Variants in ADAMTSL1 observed in about 807,000 individuals in gnomAD.
ADAMTSL1 encodes the protein ADAMTS like 1.
A neutral mutation model predicts 201.8 loss-of-function variants in ADAMTSL1; 126 were observed. That is an observed-to-expected ratio of 0.62 (90% CI 0.54 to 0.72). The LOEUF (loss-of-function observed/expected upper bound fraction) is 0.72. ADAMTSL1 is among the 30% of genes least tolerant of loss of function. ADAMTSL1 has a pLI of 0.00. For synonymous variants in ADAMTSL1, 1,121 were observed against 903.4 expected, an observed-to-expected ratio of 1.24 and a Z score of -4.32; for missense variants, 2,679 against 2,277.8, an observed-to-expected ratio of 1.18 and a Z score of -3.59.
At chr9:18,236,974 G>T (rs1830873374) in intron 2 of ADAMTSL1, among the ~76,000 whole-genome samples, 1 of 152,256 alleles carries the variant, frequency 6.6e-6, no homozygotes, top group East Asian at 1.9e-4. Flanking sequence ...AATGTAAGGG[G>T]CAGAATCTTT....
chr9:18,584,799 G>A (rs957291582), intron 4 of ADAMTSL1, among the ~76,000 whole-genome samples: 3 of 152,034 alleles, frequency 2.0e-5, no homozygotes, highest in African/African-American at 7.3e-5. Context: ...TTGACTAGGG[G>A]CCTGAAAGAA....
intron 1 of ADAMTSL1, among the ~76,000 whole-genome samples, chr9:18,032,942 C>G (rs112523054): frequency 0.023 from 3,461 of 152,256 alleles, 48 homozygotes; most frequent in Middle Eastern, 0.041. Flanking sequence ...CATCACCTCT[C>G]TATTGACTTT....
At chr9:18,794,435 AAAAC>A (rs1050814189) in intron 19 of ADAMTSL1, among the ~76,000 whole-genome samples, 2 of 151,910 alleles carry the variant, frequency 1.3e-5, no homozygotes, top group African/African-American at 4.8e-5. Flanking sequence ...AAAACAAAAA[AAAAC>A]AAACCTGAGT....
chr9:18,741,678 A>G (rs1818836150), intron 15 of ADAMTSL1, among the ~76,000 whole-genome samples: 1 of 152,222 alleles, frequency 6.6e-6, no homozygotes, highest in Admixed American at 6.5e-5. Context: ...TGCTCCTTCT[A>G]AAACTTGTAG....
At chr9:18,351,053 G>A (rs191764090) in intron 2 of ADAMTSL1, among the ~76,000 whole-genome samples, 17 of 152,116 alleles carry the variant, frequency 1.1e-4, no homozygotes, top group Admixed American at 3.9e-4. Context: ...TTGTAACCTC[G>A]TTACAATGAA....
chr9:17,940,811 C>CA lies in ADAMTSL1; in HGVS notation c.87+33889_87+33890insA, dbSNP rs1554667550. 2.6e-3 allele frequency among the ~76,000 whole-genome samples: 159 copies of CA among 60,256 alleles called. 10 individuals are homozygous for CA. Among genetic ancestry groups the CA allele is most frequent in the African/African-American group, 9.2e-3 (152 of 16,596 alleles). 39.5% of individuals were successfully genotyped at this position (60,256 alleles called of 152,430 possible). On this transcript the variant is annotated intron_variant, in intron 1 of 29. Transcript: ENST00000680146. ...AATAAAAGTAAATAACACCCCCCCCCCAAAAAAAAGAAAGAAATAACGACT... is the reference window on the plus strand; with the variant it reads ...AATAAAAGTAAATAACACCCCCCCCCACAAAAAAAAGAAAGAAATAACGACT...
chr9:18,582,522 G>A (rs1823166577), intron 4 of ADAMTSL1, among the ~76,000 whole-genome samples: 1 of 152,110 alleles, frequency 6.6e-6, no homozygotes, highest in Non-Finnish European at 1.5e-5. Context: ...TCATGATAGT[G>A]AATGAGTCTC....
At chr9:18,875,888 TA>T (rs1366759061) in intron 23 of ADAMTSL1, among the ~76,000 whole-genome samples, 2 of 152,198 alleles carry the variant, frequency 1.3e-5, no homozygotes, top group East Asian at 1.9e-4. Context: ...TCTCATTACT[TA>T]AGTCTGGTAA....
intron 3 of ADAMTSL1, among the ~76,000 whole-genome samples, chr9:18,560,978 T>G (rs1821457058): frequency 6.6e-6 from 1 of 151,988 alleles, no homozygotes; most frequent in East Asian, 1.9e-4. Context: ...TTGATTTTTT[T>G]GAAGGGTTTT....
chr9:18,193,587 A>G (rs1016378829), intron 2 of ADAMTSL1, among the ~76,000 whole-genome samples: 3 of 152,132 alleles, frequency 2.0e-5, no homozygotes, highest in Admixed American at 6.6e-5. Context: ...AGATGTGAGG[A>G]CATGAAAGGA....
intron 1 of ADAMTSL1, among the ~76,000 whole-genome samples, chr9:18,083,783 T>A (rs1173705137): frequency 1.3e-5 from 2 of 152,218 alleles, no homozygotes; most frequent in African/African-American, 4.8e-5. Context: ...TTATTCCTGA[T>A]ACTAAAGTTA....
intron 4 of ADAMTSL1, among the ~76,000 whole-genome samples, chr9:18,582,474 C>T (rs975758192): frequency 7.2e-5 from 11 of 152,148 alleles, no homozygotes; most frequent in African/African-American, 2.2e-4. Context: ...CGGTGGGAGG[C>T]GATTGAATTA....
intron 3 of ADAMTSL1, among the ~76,000 whole-genome samples, chr9:18,555,466 C>T (rs770499260): frequency 1.1e-4 from 17 of 151,958 alleles, no homozygotes; most frequent in Non-Finnish European, 2.2e-4. Context: ...AGTCCTACAT[C>T]CTGTTGCAAC....
Position 18,625,841 on chromosome 9 carries a change from G to A in ADAMTSL1, c.601+3472G>A, listed in dbSNP as rs1364530021. Reference sequence around the variant, plus strand: ...GCTCTCTCTCTACCTTTCTTGCATGGTGAGGTCACTTAACTCACTTATATC... The same window carrying A: ...GCTCTCTCTCTACCTTTCTTGCATGATGAGGTCACTTAACTCACTTATATC... On this transcript the variant is annotated intron_variant, in intron 5 of 28. Transcript: ENST00000380548. Among the ~76,000 whole-genome samples the A allele has an allele frequency of 1.3e-5, 2 of 152,134 alleles. 1 individual carries two copies.
At chr9:18,530,899 G>T (rs565699786) in intron 2 of ADAMTSL1, among the ~76,000 whole-genome samples, 6 of 152,122 alleles carry the variant, frequency 3.9e-5, no homozygotes, top group Non-Finnish European at 8.8e-5. Context: ...TACGTATGCA[G>T]CAGGAACTTC....
intron 1 of ADAMTSL1, among the ~76,000 whole-genome samples, chr9:17,992,193 T>G (rs575649094): frequency 2.6e-5 from 4 of 152,236 alleles, no homozygotes; most frequent in African/African-American, 9.6e-5. Context: ...CTGGTTATAT[T>G]CCAGGTTCAT....
intron 1 of ADAMTSL1, among the ~76,000 whole-genome samples, chr9:17,913,699 CA>C (rs1195861327): frequency 6.6e-6 from 1 of 152,068 alleles, no homozygotes; most frequent in South Asian, 2.1e-4. Context: ...AATAGACACA[CA>C]AAAAACCCTT....
chr9:18,287,972 C>G (rs968991552), intron 2 of ADAMTSL1, among the ~76,000 whole-genome samples: 1 of 152,086 alleles, frequency 6.6e-6, no homozygotes, highest in African/African-American at 2.4e-5. Context: ...ACTGACAGTC[C>G]TTCTAAAGTG....
At chr9:18,683,963 A>G (rs771380930) in intron 12 of ADAMTSL1, among the ~76,000 whole-genome samples, 2 of 152,220 alleles carry the variant, frequency 1.3e-5, no homozygotes, top group Non-Finnish European at 2.9e-5. Flanking sequence ...AAAGGCAAAT[A>G]TCCCCATAAA....
Sources: allele counts gnomAD v4.1 joint callset (sites outside exome capture counted in the v4.1 genomes callset), GRCh38; gene constraint gnomAD v4.1.1; transcripts MANE v1.5; gene names NCBI Gene and HGNC (gene_info 2026-07-23, HGNC 2026-07-21).